TMEM164: variants seen among roughly 807,000 people sequenced by gnomAD.
TMEM164 encodes the protein RP13-360B22.2.
In TMEM164, 4 loss-of-function variants were observed where a neutral mutation model predicts 18.8. The observed-to-expected ratio is 0.21, with a 90% CI of 0.10 to 0.49. The LOEUF (loss-of-function observed/expected upper bound fraction) is 0.49, where lower values mean the gene tolerates loss of function less well. Among genes scored for constraint, TMEM164 ranks in the 20% least tolerant of loss-of-function variants. The pLI is 0.98. For missense variants in TMEM164, 108 were observed against 239.9 expected, an observed-to-expected ratio of 0.45 and a Z score of 3.63; for synonymous variants, 86 against 101.7, an observed-to-expected ratio of 0.85 and a Z score of 0.93.
At chrX:110,092,153 G>C (rs1283731251) in intron 3 of TMEM164, among the ~76,000 whole-genome samples, 1 of 111,883 alleles carries the variant, frequency 8.9e-6, no homozygotes, top group African/African-American at 3.3e-5. Flanking sequence ...GATGCCTCCA[G>C]CTTTGTTCTT....
intron 4 of TMEM164, among the ~76,000 whole-genome samples, chrX:110,140,981 A>G (rs905167935): frequency 6.3e-5 from 7 of 111,561 alleles, no homozygotes; most frequent in African/African-American, 2.3e-4. Flanking sequence ...GGTGCTCAGT[A>G]AAGAACTGTC....
intron 4 of TMEM164, among the ~76,000 whole-genome samples, chrX:110,137,729 G>A (rs186730652): frequency 1.8e-5 from 2 of 112,307 alleles, no homozygotes; most frequent in East Asian, 5.6e-4. Flanking sequence ...ACTATGAACT[G>A]TTGTAGGGCA....
intron 2 of TMEM164, among the ~76,000 whole-genome samples, chrX:110,007,410 C>G (rs1932776719): frequency 8.9e-6 from 1 of 112,469 alleles, no homozygotes; most frequent in African/African-American, 3.2e-5. Context: ...ACCAAGGTTA[C>G]CACATGGTTG....
At chrX:110,135,514 T>G (rs920155379) in intron 4 of TMEM164, among the ~76,000 whole-genome samples, 5 of 112,031 alleles carry the variant, frequency 4.5e-5, no homozygotes, top group South Asian at 3.7e-4. Flanking sequence ...GAAGTGAAAT[T>G]ACTGAGTCAA....
intron 2 of TMEM164, among the ~76,000 whole-genome samples, chrX:110,015,550 A>AGTGT (rs200228472): frequency 0.034 from 3,414 of 99,569 alleles, 71 homozygotes; most frequent in African/African-American, 0.068. Context: ...CAGGAACTTG[A>AGTGT]GTGTGTGTGT....
Position 110,176,519 on chromosome X carries a change from G to T in TMEM164, c.*3068G>T. Reference sequence around the variant, plus strand: ...GCTTGCAGGGTCGCCGGGCTAACCAGGGTGATCGGCGAACTTTACCGTACA... The same window carrying T: ...GCTTGCAGGGTCGCCGGGCTAACCATGGTGATCGGCGAACTTTACCGTACA... On this transcript the variant is annotated 3_prime_UTR_variant, in exon 7 of 7. Coordinates refer to ENST00000372068, the MANE Select transcript of TMEM164 (RefSeq NM_032227.4). 1.7e-6 allele frequency: 1 copy of T among 581,748 alleles called. No homozygotes were observed. The allele number at this position is 581,748 out of a possible 1,213,427, so 47.9% of individuals were successfully genotyped here.
chrX:110,095,925 G>T (rs1007036209), intron 3 of TMEM164, among the ~76,000 whole-genome samples: 4 of 112,540 alleles, frequency 3.6e-5, no homozygotes, highest in Admixed American at 2.8e-4. Flanking sequence ...CTCAGCTGCA[G>T]GTCTGTTGGA....
At chrX:110,091,767 T>G (rs747051549) in intron 3 of TMEM164, among the ~76,000 whole-genome samples, 327 of 112,272 alleles carry the variant, frequency 2.9e-3, no homozygotes, top group Non-Finnish European at 5.0e-3. Context: ...GGTGTTTCAG[T>G]CATGAAGTCT....
intron 3 of TMEM164, among the ~76,000 whole-genome samples, chrX:110,089,760 G>A (rs1443865857): frequency 1.8e-5 from 2 of 111,850 alleles, no homozygotes; most frequent in African/African-American, 6.5e-5. Context: ...TTAGCTCTGT[G>A]ATCCTGAGCA....
At chrX:110,124,457 AGT>A (rs2066502081) in intron 4 of TMEM164, among the ~76,000 whole-genome samples, 4 of 110,935 alleles carry the variant, frequency 3.6e-5, no homozygotes, top group African/African-American at 9.8e-5. Flanking sequence ...TAGGACCTTG[AGT>A]GGAGTGAACT....
In TMEM164 at chrX:110,004,137, C is replaced by T; in HGVS notation, c.363C>T (p.Asn121=). Residue 121 remains asparagine (N), a synonymous_variant, in exon 2 of 7, where the codon AAC becomes AAT. Transcript: ENST00000372068. ...CCAAGACCGTCATCTACCTGCTCAACCCCTGTCACCTGGTCACCATGATGC... is the reference window on the plus strand; with the variant it reads ...CCAAGACCGTCATCTACCTGCTCAATCCCTGTCACCTGGTCACCATGATGC... The part of the protein sequence containing the change: ...FATKTVIYLL[N]PCHLVTMMHI... 2 of 1,202,583 alleles carry T rather than the reference C, an allele frequency of 1.7e-6. No homozygotes were observed.
chrX:110,179,731 C>G (rs770357934), downstream of TMEM164, among the ~76,000 whole-genome samples: 10 of 112,137 alleles, frequency 8.9e-5, no homozygotes, highest in African/African-American at 3.2e-4. Flanking sequence ...CTCCCTCTTA[C>G]GTGATTCATT....
chrX:110,096,342 G>A (rs1043931583), intron 3 of TMEM164, among the ~76,000 whole-genome samples: 3 of 112,757 alleles, frequency 2.7e-5, no homozygotes, highest in Admixed American at 9.3e-5. Context: ...CACCCAGTTC[G>A]AGCTTCCTGC....
At chrX:110,039,338 A>G (rs920265370) in intron 2 of TMEM164, among the ~76,000 whole-genome samples, 2 of 112,518 alleles carry the variant, frequency 1.8e-5, no homozygotes, top group African/African-American at 6.5e-5. Flanking sequence ...GGCAAGAGAC[A>G]TTGGGTGTGA....
intron 2 of TMEM164, among the ~76,000 whole-genome samples, chrX:110,035,187 T>A (rs1251606195): frequency 1.8e-5 from 2 of 108,884 alleles, no homozygotes; most frequent in South Asian, 4.0e-4. Context: ...AACATGCACG[T>A]TGTGCACATG....
intron 4 of TMEM164, among the ~76,000 whole-genome samples, chrX:110,120,450 T>C (rs2066433606): frequency 8.9e-6 from 1 of 112,139 alleles, no homozygotes; most frequent in Admixed American, 9.5e-5. Context: ...TACACACTCA[T>C]TTAAAAATTT....
chrX:110,059,455 T>G (rs1433434384), intron 2 of TMEM164, among the ~76,000 whole-genome samples: 1 of 111,639 alleles, frequency 9.0e-6, no homozygotes, highest in East Asian at 2.8e-4. Flanking sequence ...TTGGGGTCCC[T>G]TGCATTTCCA....
chrX:110,004,710 G>A (rs1932574215), intron 2 of TMEM164, among the ~76,000 whole-genome samples: 1 of 112,377 alleles, frequency 8.9e-6, no homozygotes, highest in African/African-American at 3.2e-5. Flanking sequence ...TTTGCATTTT[G>A]AGGCATTGGA....
intron 5 of TMEM164, among the ~76,000 whole-genome samples, chrX:110,155,957 G>A (rs868849823): frequency 4.0e-4 from 45 of 111,237 alleles, no homozygotes; most frequent in African/African-American, 1.2e-3. Context: ...CAGGCTGGAG[G>A]GCAGTAATGC....
Sources: gnomAD v4.1 joint callset for allele counts (sites outside exome capture counted in the v4.1 genomes callset) on GRCh38, gnomAD v4.1.1 for gene constraint, MANE v1.5 for transcripts, NCBI Gene and HGNC (gene_info 2026-07-23, HGNC 2026-07-21) for gene names.